Variants in SRGAP2C observed in about 807,000 individuals in gnomAD.
SRGAP2C encodes the protein SLIT-ROBO Rho GTPase activating protein 2C.
A neutral mutation model predicts 25.1 loss-of-function variants in SRGAP2C; 15 were observed. The ratio of observed to expected loss-of-function variants is 0.60; its 90% CI spans 0.40 to 0.92. The LOEUF is 0.92. Ranked by LOEUF, SRGAP2C falls within the 40% of genes least tolerant of loss-of-function variation. SRGAP2C has a pLI of 0.00. For synonymous variants in SRGAP2C, 44 were observed against 96.6 expected (o/e 0.46, Z 3.19); for missense variants, 144 against 264.4 (o/e 0.54, Z 3.16).
At chr1:121,235,626 GTT>G (rs60027326) in intron 2 of SRGAP2C, among the ~76,000 whole-genome samples, 4 of 45,744 alleles carry the variant, frequency 8.7e-5, no homozygotes, top group Non-Finnish European at 1.1e-4. Context: ...TGCTTTTTCT[GTT>G]TTTTTTTTTT....
At chr1:121,310,710 G>T (rs1165354434) in intron 3 of SRGAP2C, among the ~76,000 whole-genome samples, 4 of 89,972 alleles carry the variant, frequency 4.4e-5, no homozygotes, top group African/African-American at 8.0e-5. Context: ...GTTTTTCTCA[G>T]GTTTGTCAAA....
chr1:121,289,444 CCGCAAGCGCCGCA>C (rs1236874469), intron 3 of SRGAP2C, among the ~76,000 whole-genome samples: 1 of 151,512 alleles, frequency 6.6e-6, no homozygotes, highest in African/African-American at 2.4e-5. Context: ...TCCAGCTGGC[CCGCAAGCGCCGCA>C]CGCAGCCCCG....
chr1:121,336,145 C>G (rs1414568946), intron 4 of SRGAP2C, among the ~76,000 whole-genome samples: 1 of 152,160 alleles, frequency 6.6e-6, no homozygotes, highest in African/African-American at 2.4e-5. Flanking sequence ...TTCTATCTTC[C>G]TTACAGTGGG....
At chr1:121,259,804 G>A (rs1182341721) in intron 2 of SRGAP2C, among the ~76,000 whole-genome samples, 2 of 149,116 alleles carry the variant, frequency 1.3e-5, no homozygotes, top group African/African-American at 4.9e-5. Flanking sequence ...AGTTGTGAGG[G>A]GAGTTGCTTT....
At chr1:121,257,354 T>G (rs1321565151) in intron 2 of SRGAP2C, among the ~76,000 whole-genome samples, 1 of 150,072 alleles carries the variant, frequency 6.7e-6, no homozygotes, top group Non-Finnish European at 1.5e-5. Flanking sequence ...GACCTCGTGA[T>G]CCACCAGCCT....
At chr1:121,295,528 C>A (rs1657576702) in intron 3 of SRGAP2C, among the ~76,000 whole-genome samples, 1 of 151,858 alleles carries the variant, frequency 6.6e-6, no homozygotes, top group Non-Finnish European at 1.5e-5. Context: ...AGATACCCAC[C>A]CCTGTACTCC....
rs1159129226 is a variant in SRGAP2C, at chr1:121,314,604, G to A, written c.261-9874G>A. On this transcript the variant is annotated intron_variant, in intron 3 of 9. Coordinates refer to ENST00000367123, the MANE Select transcript of SRGAP2C (RefSeq NM_001329984.2). Reference sequence around the variant, plus strand: ...GATGGTGATGTACAGATGGGTTTTCGGTGTGGATGTCCTTTCTGTTTGTTA... The same window carrying A: ...GATGGTGATGTACAGATGGGTTTTCAGTGTGGATGTCCTTTCTGTTTGTTA... 2.4e-3 allele frequency among the ~76,000 whole-genome samples: 360 copies of A among 150,972 alleles called. 1 individual carries two copies. Among genetic ancestry groups the A allele is most frequent in the Non-Finnish European group, 2.0e-3 (137 of 67,788 alleles).
intron 2 of SRGAP2C, among the ~76,000 whole-genome samples, chr1:121,254,022 C>T (rs1326715060): frequency 6.6e-6 from 1 of 151,626 alleles, no homozygotes; most frequent in Non-Finnish European, 1.5e-5. Flanking sequence ...AAGCAATTCT[C>T]CTGCCTCAGC....
intron 3 of SRGAP2C, among the ~76,000 whole-genome samples, chr1:121,285,404 T>TCTCTCACACACA (rs1553336851): frequency 8.0e-6 from 1 of 124,492 alleles, no homozygotes; most frequent in East Asian, 2.7e-4. Context: ...TCTCTCTCTC[T>TCTCTCACACACA]CACACACACA....
In SRGAP2C at chr1:121,278,100, C is replaced by T. The variant is rs1407382865; in HGVS notation, c.68-6703C>T. 2.0e-4 allele frequency among the ~76,000 whole-genome samples: 31 copies of T among 151,582 alleles called. 1 individual carries two copies. Among genetic ancestry groups the T allele is most frequent in the Non-Finnish European group, 3.4e-4 (23 of 67,772 alleles). On this transcript the variant is annotated intron_variant, in intron 2 of 9. Transcript: ENST00000367123. ...GGACTAAAGGCATGCACCACCTCCC[C>T]CCGCCAGCTAACTTAAAAAAAAAAT...
intron 3 of SRGAP2C, chr1:121,314,856 C>T (rs1553340410): frequency 3.0e-5 from 16 of 533,840 alleles, no homozygotes; most frequent in Admixed American, 7.6e-5. Flanking sequence ...AGAAATCACC[C>T]GTCTTCTGTG....
intron 2 of SRGAP2C, among the ~76,000 whole-genome samples, chr1:121,211,201 A>G (rs1229669620): frequency 1.3e-5 from 2 of 151,418 alleles, no homozygotes; most frequent in Non-Finnish European, 2.9e-5. Context: ...GACTATTTGT[A>G]CTTGGTCTTT....
chr1:121,378,392 C>T (rs1158883721), intron 7 of SRGAP2C, among the ~76,000 whole-genome samples: 2 of 137,598 alleles, frequency 1.5e-5, no homozygotes, highest in Non-Finnish European at 3.1e-5. Context: ...AGCCAATCCC[C>T]CACCCCAAGG....
At chr1:121,263,549 G>T (rs1157432193) in intron 2 of SRGAP2C, among the ~76,000 whole-genome samples, 1 of 150,822 alleles carries the variant, frequency 6.6e-6, no homozygotes, top group Non-Finnish European at 1.5e-5. Flanking sequence ...GTAAAATCAT[G>T]ACAAATTCTA....
At chr1:121,286,454 C>A (rs1165276313) in intron 3 of SRGAP2C, among the ~76,000 whole-genome samples, 552 of 151,776 alleles carry the variant, frequency 3.6e-3, no homozygotes, top group African/African-American at 0.012. Flanking sequence ...CACAGGGTTT[C>A]GCTATGTTGC....
chr1:121,270,824 G>A (rs1302790915), intron 2 of SRGAP2C, among the ~76,000 whole-genome samples: 8 of 144,792 alleles, frequency 5.5e-5, no homozygotes, highest in African/African-American at 7.9e-5. Context: ...ACGGAGTCTC[G>A]CTCTGTCGCC....
intron 4 of SRGAP2C, among the ~76,000 whole-genome samples, chr1:121,343,308 C>T (rs1371094113): frequency 2.0e-5 from 3 of 152,172 alleles, no homozygotes; most frequent in Non-Finnish European, 4.4e-5. Flanking sequence ...TAATTCCATC[C>T]TTCCAATCCC....
At chr1:121,192,002 G>C (rs1462611496) in intron 2 of SRGAP2C, among the ~76,000 whole-genome samples, 1 of 150,826 alleles carries the variant, frequency 6.6e-6, no homozygotes, top group Non-Finnish European at 1.5e-5. Flanking sequence ...TAGAAAAAGT[G>C]CAGGCCTTTG....
intron 5 of SRGAP2C, among the ~76,000 whole-genome samples, chr1:121,367,927 T>G: frequency 8.0e-6 from 1 of 124,682 alleles, no homozygotes; most frequent in Non-Finnish European, 1.6e-5. Flanking sequence ...ACAAAAAAAA[T>G]TAGCTGGGCA....
Sources: gnomAD v4.1 joint callset for allele counts (sites outside exome capture counted in the v4.1 genomes callset) on GRCh38, gnomAD v4.1.1 for gene constraint, MANE v1.5 for transcripts, NCBI Gene and HGNC (gene_info 2026-07-23, HGNC 2026-07-21) for gene names.